ADGRL2: variants seen among roughly 807,000 people sequenced by gnomAD.
ADGRL2 encodes the protein adhesion G protein-coupled receptor L2.
A neutral mutation model predicts 157.4 loss-of-function variants in ADGRL2; 44 were observed. The observed-to-expected ratio is 0.28, with a 90% CI of 0.22 to 0.36. The LOEUF is 0.36. Ranked by LOEUF, ADGRL2 falls within the 10% of genes least tolerant of loss-of-function variation. The pLI, the probability that ADGRL2 is intolerant of heterozygous loss-of-function variation, is 1.00. For synonymous variants in ADGRL2, 585 were observed against 624.7 expected (o/e 0.94, Z 0.95); for missense variants, 1,510 against 1,768.9 (o/e 0.85, Z 2.63).
chr1:81,479,695 CCTTTCT>C (rs1373589835), intron 2 of ADGRL2, among the ~76,000 whole-genome samples: 1 of 152,064 alleles, frequency 6.6e-6, no homozygotes, highest in East Asian at 1.9e-4. Flanking sequence ...CCTTCTAATT[CCTTTCT>C]CTTTCTCTCT....
chr1:81,393,213 A>G (rs889940605), intron 1 of ADGRL2, among the ~76,000 whole-genome samples: 1 of 152,120 alleles, frequency 6.6e-6, no homozygotes, highest in Non-Finnish European at 1.5e-5. Context: ...TAGCAATTAT[A>G]TTTTTTAGAA....
intron 1 of ADGRL2, among the ~76,000 whole-genome samples, chr1:81,429,024 A>C (rs1407100524): frequency 6.6e-6 from 1 of 152,188 alleles, no homozygotes; most frequent in African/African-American, 2.4e-5. Flanking sequence ...CTTTTTCAGG[A>C]AGAAGTCTGA....
At position 81,966,066 on chromosome 1, in the gene ADGRL2, G is replaced by A. The variant is rs751669877; in HGVS notation, c.2026G>A (p.Val676Ile). 2 of 1,613,632 alleles carry A rather than the reference G, an allele frequency of 1.2e-6. No individual in the cohort carries two copies. The highest frequency in any genetic ancestry group is 1.7e-6 in the Non-Finnish European group (2 of 1,179,860). The change falls in exon 12 of 24, where the codon GTT becomes ATT. Residue 676 changes from valine to isoleucine, a missense_variant. Transcript: ENST00000686636. The stretch of plus-strand genomic sequence containing the variant: ...TCTTTTCCCTCATCCAGTCCTGGAA[G>A]TTGCCGTACTCAGTACAGAAGGACA... ...SMPTENIVLEVAVLSTEGQIQ... is the reference protein window; with the variant it reads ...SMPTENIVLEIAVLSTEGQIQ...
At chr1:81,508,076 C>T (rs2079011301) in intron 2 of ADGRL2, among the ~76,000 whole-genome samples, 1 of 152,172 alleles carries the variant, frequency 6.6e-6, no homozygotes, top group African/African-American at 2.4e-5. Context: ...AATTCTATCA[C>T]TCGGCTTTAT....
intron 3 of ADGRL2, among the ~76,000 whole-genome samples, chr1:81,626,055 T>C (rs371982816): frequency 1.3e-5 from 2 of 152,186 alleles, no homozygotes; most frequent in East Asian, 3.9e-4. Context: ...ACCTACCGAA[T>C]GATTACAAAT....
chr1:81,910,437 T>C (rs2094693388), intron 3 of ADGRL2, among the ~76,000 whole-genome samples: 1 of 151,754 alleles, frequency 6.6e-6, no homozygotes, highest in African/African-American at 2.4e-5. Flanking sequence ...AGAAAGTAGA[T>C]AATACATCAT....
At chr1:81,518,535 A>G (rs372789847) in intron 2 of ADGRL2, among the ~76,000 whole-genome samples, 2 of 152,216 alleles carry the variant, frequency 1.3e-5, no homozygotes, top group East Asian at 3.9e-4. Flanking sequence ...ATGTTAAGAT[A>G]GCGGAAAGAG....
chr1:81,727,451 T>G (rs2084569777), intron 1 of ADGRL2, among the ~76,000 whole-genome samples: 1 of 152,158 alleles, frequency 6.6e-6, no homozygotes, highest in Non-Finnish European at 1.5e-5. Context: ...AATTTTTTTT[T>G]GAGATGGAGT....
At chr1:81,642,917 A>T (rs1025969694) in intron 3 of ADGRL2, among the ~76,000 whole-genome samples, 1 of 152,206 alleles carries the variant, frequency 6.6e-6, no homozygotes, top group African/African-American at 2.4e-5. Flanking sequence ...CCAGATATAG[A>T]TAGGAACTTC....
At chr1:81,869,960 G>C (rs919445957) in intron 2 of ADGRL2, among the ~76,000 whole-genome samples, 6 of 151,956 alleles carry the variant, frequency 3.9e-5, no homozygotes, top group African/African-American at 1.4e-4. Flanking sequence ...TTAAACAGTA[G>C]TGCTATATAT....
intron 2 of ADGRL2, among the ~76,000 whole-genome samples, chr1:81,452,867 A>AGTTC (rs1420395379): frequency 6.6e-6 from 1 of 152,192 alleles, no homozygotes; most frequent in African/African-American, 2.4e-5. Context: ...AGAGTGTTGA[A>AGTTC]GTTCCCCAGG....
rs1349987122 is a variant in ADGRL2 at position 81,951,864 on chromosome 1, A to T, written c.1609-93A>T. 3.0e-6 allele frequency: 3 copies of T among 990,890 alleles called. No homozygotes were observed. The South Asian group carries it at 6.1e-5, about 20-fold the overall frequency. The allele number at this position is 990,890 out of a possible 1,614,324, so 61.4% of individuals were successfully genotyped here. A position where few individuals can be genotyped will look rare whatever the true frequency, so the allele number is the denominator to read the frequency against. On this transcript the variant is annotated intron_variant, in intron 8 of 23. Coordinates refer to ENST00000686636, the MANE Select transcript of ADGRL2 (RefSeq NM_001366006.2). ...TAGTTGGAGAATTTAACATTCGCAAATTTTTTTCACCACAATAAAGATACT... is the reference window on the plus strand; with the variant it reads ...TAGTTGGAGAATTTAACATTCGCAATTTTTTTTCACCACAATAAAGATACT...
intron 2 of ADGRL2, among the ~76,000 whole-genome samples, chr1:81,558,769 CT>C (rs1382165281): frequency 2.0e-5 from 3 of 152,154 alleles, no homozygotes; most frequent in Non-Finnish European, 4.4e-5. Flanking sequence ...CCCTTGATAT[CT>C]TTAAATTCCC....
In ADGRL2 at chr1:81,722,275, A is replaced by G. The variant is rs188582446; in HGVS notation, c.-143+22467A>G. ...GCCACTGCACTCCAGCCTGGGCGAC[A>G]GAGCGAGACTCCGTCTAAAAAAAAA... On this transcript the variant is annotated intron_variant, in intron 1 of 20. Coordinates refer to the ADGRL2 transcript ENST00000359929. 883 of 454,286 alleles carry G rather than the reference A, an allele frequency of 1.9e-3. 5 individuals carry two copies. Among genetic ancestry groups the G allele is most frequent in the African/African-American group, 0.017 (830 of 49,848 alleles). 28.1% of individuals were successfully genotyped at this position (454,286 alleles called of 1,614,324 possible). A position where few individuals can be genotyped will look rare whatever the true frequency, so the allele number is the denominator to read the frequency against.
intron 1 of ADGRL2, among the ~76,000 whole-genome samples, chr1:81,752,708 T>A (rs1571076121): frequency 6.6e-6 from 1 of 152,088 alleles, no homozygotes; most frequent in African/African-American, 2.4e-5. Context: ...AGACACAGGG[T>A]TTTGCCATGT....
At chr1:81,553,876 C>T (rs2080210085) in intron 2 of ADGRL2, among the ~76,000 whole-genome samples, 1 of 152,156 alleles carries the variant, frequency 6.6e-6, no homozygotes, top group African/African-American at 2.4e-5. Context: ...GGATATATAC[C>T]TGCAGATGAT....
intron 2 of ADGRL2, among the ~76,000 whole-genome samples, chr1:81,905,570 G>A (rs1421875138): frequency 6.6e-6 from 1 of 152,160 alleles, no homozygotes; most frequent in African/African-American, 2.4e-5. Context: ...AACAGTTAAA[G>A]GGCTTGGGTT....
At chr1:81,687,969 T>G (rs1370519945) in intron 3 of ADGRL2, among the ~76,000 whole-genome samples, 2 of 152,148 alleles carry the variant, frequency 1.3e-5, no homozygotes, top group East Asian at 3.8e-4. Flanking sequence ...TGACATTTGT[T>G]TTGTTTGAGG....
At chr1:81,467,279 G>A (rs1056636870) in intron 2 of ADGRL2, among the ~76,000 whole-genome samples, 1 of 152,076 alleles carries the variant, frequency 6.6e-6, no homozygotes, top group African/African-American at 2.4e-5. Flanking sequence ...TGGATGTTTA[G>A]TCATTTACAG....
Sources: gnomAD v4.1 joint callset for allele counts (sites outside exome capture counted in the v4.1 genomes callset) on GRCh38, gnomAD v4.1.1 for gene constraint, MANE v1.5 for transcripts, NCBI Gene and HGNC (gene_info 2026-07-23, HGNC 2026-07-21) for gene names.